Variants in TBC1D5 observed in about 807,000 individuals in gnomAD.
TBC1D5 encodes TBC1 domain family, member 5.
In TBC1D5, 75 loss-of-function variants were observed where a neutral mutation model predicts 100.3. That is an observed-to-expected ratio of 0.75 (90% CI 0.62 to 0.91). TBC1D5 has a LOEUF of 0.91. Ranked by LOEUF, TBC1D5 falls within the 40% of genes least tolerant of loss-of-function variation. The probability of loss-of-function intolerance (pLI) is 0.00; values close to 1 mark genes in which losing one functional copy is unlikely to be tolerated. For synonymous variants in TBC1D5, 323 were observed against 325.6 expected, an observed-to-expected ratio of 0.99 and a Z score of 0.09; for missense variants, 910 against 942.4, an observed-to-expected ratio of 0.97 and a Z score of 0.45.
intron 1 of TBC1D5, among the ~76,000 whole-genome samples, chr3:17,630,298 C>A (rs1420749885): frequency 6.6e-6 from 1 of 152,072 alleles, no homozygotes; most frequent in Non-Finnish European, 1.5e-5. Flanking sequence ...TTTGTGGTAA[C>A]CCTGTGTTGA....
chr3:17,727,506 A>G (rs189929157), intron 1 of TBC1D5, among the ~76,000 whole-genome samples: 21 of 152,352 alleles, frequency 1.4e-4, no homozygotes, highest in Admixed American at 1.1e-3. Context: ...ATAAGAAACA[A>G]TAACAAAAGC....
At chr3:17,386,920 T>C (rs903321182) in intron 8 of TBC1D5, among the ~76,000 whole-genome samples, 3 of 152,134 alleles carry the variant, frequency 2.0e-5, no homozygotes, top group Non-Finnish European at 4.4e-5. Flanking sequence ...CAATTGCAAG[T>C]AGTAATTTAA....
intron 1 of TBC1D5, among the ~76,000 whole-genome samples, chr3:17,720,128 G>A (rs1577774753): frequency 6.6e-6 from 1 of 152,236 alleles, no homozygotes. Context: ...TGTGTATTTA[G>A]ATAAAGCCGT....
chr3:17,552,468 T>C (rs549138933), intron 2 of TBC1D5, among the ~76,000 whole-genome samples: 5 of 151,946 alleles, frequency 3.3e-5, no homozygotes, highest in South Asian at 2.1e-4. Context: ...ATTCTGGAGG[T>C]TGAAGTAAGC....
In TBC1D5 at chr3:17,320,169, T is replaced by C. The variant is rs140158274; in HGVS notation, c.996-12035A>G. The stretch of plus-strand genomic sequence containing the variant: ...CTTACTTCATGTTACCTCAGCACTT[T>C]AGTTTAATTTAGGATCTTTGATTAC... On this transcript the variant is annotated intron_variant, in intron 13 of 21. Transcript: ENST00000253692. Among the ~76,000 whole-genome samples, 548 of 152,336 alleles carry C rather than the reference T, an allele frequency of 3.6e-3. 2 individuals are homozygous for C. The highest frequency in any genetic ancestry group is 6.2e-3 in the Non-Finnish European group (424 of 68,028).
chr3:17,291,844 C>G (rs768269489), intron 15 of TBC1D5, 51 bp downstream of exon 15: 1 of 1,501,550 alleles, frequency 6.7e-7, no homozygotes, highest in Non-Finnish European at 9.2e-7. Flanking sequence ...CACAGAGAAG[C>G]CTATTTTTCA....
intron 3 of TBC1D5, among the ~76,000 whole-genome samples, chr3:17,492,748 C>T (rs529914959): frequency 1.1e-3 from 162 of 152,288 alleles, no homozygotes; most frequent in Non-Finnish European, 1.8e-3. Flanking sequence ...AAATTTCCAT[C>T]TTAACACTGC....
intron 4 of TBC1D5, among the ~76,000 whole-genome samples, chr3:17,426,150 A>G (rs557679491): frequency 6.6e-6 from 1 of 152,204 alleles, no homozygotes; most frequent in South Asian, 2.1e-4. Context: ...CAACATTTAC[A>G]TTTCTCTAAT....
At chr3:17,494,742 G>C (rs941981977) in intron 3 of TBC1D5, among the ~76,000 whole-genome samples, 5 of 152,186 alleles carry the variant, frequency 3.3e-5, no homozygotes, top group African/African-American at 1.2e-4. Context: ...GGCACCATCG[G>C]GGAAAACCGC....
At chr3:17,211,230 G>A (rs1195748794) in intron 18 of TBC1D5, among the ~76,000 whole-genome samples, 2 of 152,210 alleles carry the variant, frequency 1.3e-5, no homozygotes, top group Non-Finnish European at 2.9e-5. Flanking sequence ...GTAACTGGCT[G>A]TTTCCTTGGA....
intron 15 of TBC1D5, among the ~76,000 whole-genome samples, chr3:17,288,140 G>T (rs991681177): frequency 6.6e-6 from 1 of 152,164 alleles, no homozygotes; most frequent in Non-Finnish European, 1.5e-5. Context: ...AGGTGTACTA[G>T]TACCATCTTT....
intron 1 of TBC1D5, among the ~76,000 whole-genome samples, chr3:17,729,016 T>TTA (rs1553935132): frequency 3.4e-5 from 1 of 29,584 alleles, no homozygotes; most frequent in East Asian, 1.2e-3. Context: ...TGAAAATCAG[T>TTA]AAAAAAAAAA....
At chr3:17,717,097 A>G (rs1476962267) in intron 1 of TBC1D5, among the ~76,000 whole-genome samples, 2 of 152,116 alleles carry the variant, frequency 1.3e-5, no homozygotes, top group South Asian at 2.1e-4. Flanking sequence ...AAAGGTTACA[A>G]AATTTTTCCA....
chr3:17,450,693 T>C (rs1258402500), intron 3 of TBC1D5, among the ~76,000 whole-genome samples: 3 of 151,938 alleles, frequency 2.0e-5, no homozygotes, highest in African/African-American at 4.8e-5. Context: ...GAAAAAAGAA[T>C]GAAAAGGAAT....
At chr3:17,475,473 C>G (rs571969912) in intron 3 of TBC1D5, among the ~76,000 whole-genome samples, 2 of 152,216 alleles carry the variant, frequency 1.3e-5, no homozygotes, top group South Asian at 4.1e-4. Flanking sequence ...GTTATCACCT[C>G]TCTAGTCAGT....
intron 3 of TBC1D5, among the ~76,000 whole-genome samples, chr3:17,441,580 G>T (rs184560283): frequency 3.3e-5 from 5 of 152,146 alleles, no homozygotes; most frequent in African/African-American, 1.2e-4. Flanking sequence ...ATGAGATGAG[G>T]ATAAGAATAC....
At chr3:17,191,791 T>C (rs111882695) in intron 18 of TBC1D5, among the ~76,000 whole-genome samples, 2 of 151,788 alleles carry the variant, frequency 1.3e-5, no homozygotes, top group South Asian at 4.2e-4. Flanking sequence ...TTTTTTTTTT[T>C]AAATATATTT....
chr3:17,737,527 C>G (rs933861254), intron 1 of TBC1D5, among the ~76,000 whole-genome samples: 3 of 152,112 alleles, frequency 2.0e-5, no homozygotes, highest in African/African-American at 7.2e-5. Flanking sequence ...GCATTACTTT[C>G]TATAATGGGG....
intron 2 of TBC1D5, among the ~76,000 whole-genome samples, chr3:17,608,751 G>A (rs2061494521): frequency 6.6e-6 from 1 of 151,932 alleles, no homozygotes. Flanking sequence ...TAAACTTTTA[G>A]TTGCCATTTT....
Sources: allele counts gnomAD v4.1 joint callset (sites outside exome capture counted in the v4.1 genomes callset), GRCh38; gene constraint gnomAD v4.1.1; transcripts MANE v1.5; gene names NCBI Gene and HGNC (gene_info 2026-07-23, HGNC 2026-07-21).